CREB5: variants seen among roughly 807,000 people sequenced by gnomAD.
CREB5 encodes cyclic AMP-responsive element-binding protein 5.
Under a neutral mutation model 57.1 loss-of-function variants are expected in CREB5, and 19 were observed. The ratio of observed to expected loss-of-function variants is 0.33; its 90% CI spans 0.23 to 0.49. The LOEUF is 0.49. Among genes scored for constraint, CREB5 ranks in the 20% least tolerant of loss-of-function variants. CREB5 has a pLI of 0.99. For synonymous variants in CREB5, 238 were observed against 238.3 expected (o/e 1.00, Z 0.01); for missense variants, 579 against 671.6 (o/e 0.86, Z 1.52).
At chr7:28,741,624 T>C (rs758357506) in intron 7 of CREB5, among the ~76,000 whole-genome samples, 12 of 152,218 alleles carry the variant, frequency 7.9e-5, no homozygotes, top group Non-Finnish European at 1.6e-4. Flanking sequence ...ATGATCTTCG[T>C]CATGACTGTT....
chr7:28,409,794 G>T (rs1388051888), upstream of CREB5: 3 of 446,778 alleles, frequency 6.7e-6, no homozygotes, highest in Non-Finnish European at 1.3e-5. This position sits in a 1 kb window ranked among gnomAD's most constrained non-coding sequence, Gnocchi z 4.4. Flanking sequence ...TGCTAACGTG[G>T]AGCCGGCGCC....
intron 5 of CREB5, among the ~76,000 whole-genome samples, chr7:28,679,590 C>G (rs1800490453): frequency 6.6e-6 from 1 of 152,180 alleles, no homozygotes; most frequent in Non-Finnish European, 1.5e-5. Context: ...CAAAAATGCT[C>G]TGTTCTTCTC....
chr7:28,314,677 A>C (rs532137642), intron 1 of CREB5, among the ~76,000 whole-genome samples: 1 of 152,128 alleles, frequency 6.6e-6, no homozygotes, highest in South Asian at 2.1e-4. Flanking sequence ...GCGACACACT[A>C]CCCCAAGGGA....
chr7:28,361,670 G>T (rs559653477), intron 1 of CREB5, among the ~76,000 whole-genome samples: 1 of 152,102 alleles, frequency 6.6e-6, no homozygotes, highest in East Asian at 1.9e-4. Context: ...CTTTTTCAGG[G>T]CCTCTTTTCA....
At chr7:28,614,075 T>C (rs1428923641) in intron 5 of CREB5, among the ~76,000 whole-genome samples, 2 of 152,164 alleles carry the variant, frequency 1.3e-5, no homozygotes, top group Non-Finnish European at 2.9e-5. Context: ...TCCTCTCACC[T>C]CAGCCTCCTG....
At chr7:28,453,267 A>T (rs1276574862) in intron 1 of CREB5, among the ~76,000 whole-genome samples, 3 of 152,088 alleles carry the variant, frequency 2.0e-5, no homozygotes, top group Non-Finnish European at 4.4e-5. Flanking sequence ...ATAAGACCCC[A>T]TCTCTACAAA....
intron 7 of CREB5, among the ~76,000 whole-genome samples, chr7:28,754,210 A>C (rs887625420): frequency 6.6e-6 from 1 of 152,168 alleles, no homozygotes; most frequent in African/African-American, 2.4e-5. Context: ...GGCTTTCTGC[A>C]GTGTGGTGCA....
intron 5 of CREB5, among the ~76,000 whole-genome samples, chr7:28,601,640 G>T (rs543577410): frequency 6.6e-6 from 1 of 152,248 alleles, no homozygotes; most frequent in African/African-American, 2.4e-5. Flanking sequence ...TTTATGTATG[G>T]TGTCTTAAAA....
In CREB5 at chr7:28,628,771, C is replaced by A. The variant is rs541990364; in HGVS notation, c.464+58234C>A. 2.0e-5 allele frequency among the ~76,000 whole-genome samples: 3 copies of A among 152,244 alleles called. No homozygotes were observed. The South Asian group carries it at 6.2e-4, about 32-fold the overall frequency. The stretch of plus-strand genomic sequence containing the variant: ...AGGAAAATCCTTATAGACATTTCCT[C>A]TGCTGTGACCAAGTCCCTCTCATTG... On this transcript the variant is annotated intron_variant, in intron 5 of 10. Transcript: ENST00000357727.
intron 9 of CREB5, 74 bp from the exon 10 acceptor site, chr7:28,817,997 G>T (rs1196539651): frequency 1.5e-5 from 16 of 1,097,122 alleles, no homozygotes; most frequent in Non-Finnish European, 1.9e-5. Flanking sequence ...CAGTTTTGTT[G>T]TTGAAAGTGC....
At chr7:28,494,770 G>A (rs964084773) in intron 2 of CREB5, 136 bp from the exon 3 acceptor site, 4 of 609,234 alleles carry the variant, frequency 6.6e-6, no homozygotes, top group African/African-American at 1.9e-5. Flanking sequence ...ACACTTTTTC[G>A]AAATGTTTTT....
chr7:28,678,836 C>T (rs1035335969), intron 5 of CREB5, among the ~76,000 whole-genome samples: 5 of 152,230 alleles, frequency 3.3e-5, no homozygotes, highest in Middle Eastern at 3.4e-3. Flanking sequence ...TGTTGGAGGG[C>T]GAATTCTCCT....
chr7:28,668,605 CA>C (rs1562560547), intron 5 of CREB5, among the ~76,000 whole-genome samples: 1 of 152,072 alleles, frequency 6.6e-6, no homozygotes, highest in African/African-American at 2.4e-5. Flanking sequence ...GAAGTATGTA[CA>C]AAAACCAAAA....
intron 4 of CREB5, among the ~76,000 whole-genome samples, chr7:28,519,650 A>G (rs1222644547): frequency 6.6e-6 from 1 of 152,210 alleles, no homozygotes; most frequent in African/African-American, 2.4e-5. Context: ...ATGGTGGGAG[A>G]GAGGCACTAC....
intron 1 of CREB5, among the ~76,000 whole-genome samples, chr7:28,431,372 C>T (rs182954195): frequency 7.1e-4 from 108 of 152,090 alleles, no homozygotes; most frequent in African/African-American, 2.4e-3. Context: ...CTATTTGAAA[C>T]GAAAGAAATA....
At chr7:28,562,006 A>G (rs1795291764) in intron 4 of CREB5, among the ~76,000 whole-genome samples, 1 of 152,218 alleles carries the variant, frequency 6.6e-6, no homozygotes, top group Non-Finnish European at 1.5e-5. Flanking sequence ...TTGGCCTCCC[A>G]AAGTGCTGGG....
chr7:28,617,833 A>C (rs1051603279), intron 5 of CREB5, among the ~76,000 whole-genome samples: 3 of 152,210 alleles, frequency 2.0e-5, no homozygotes, highest in Non-Finnish European at 4.4e-5. Context: ...TCACCAACAA[A>C]TATTTATTCA....
In CREB5 at chr7:28,825,650, GAAA is replaced by G. The variant is rs1180287981; in HGVS notation, c.*6376_*6378del. On this transcript the variant is annotated 3_prime_UTR_variant, in exon 11 of 11. Transcript: ENST00000357727. ...GCAACCACCTTCCTTATTGGAAGGA[GAAA>G]AAAAGGGGTACATACATGTAAATAC... 6.6e-6 allele frequency: 1 copy of G among 152,236 alleles called. No individual in the cohort carries two copies. The highest frequency in any genetic ancestry group is 1.5e-5 in the Non-Finnish European group (1 of 67,876). The allele number at this position is 152,236 out of a possible 1,614,324, so 9.4% of individuals were successfully genotyped here. A position where few individuals can be genotyped will look rare whatever the true frequency, so the allele number is the denominator to read the frequency against.
chr7:28,793,018 C>A (rs1807817849), intron 7 of CREB5, among the ~76,000 whole-genome samples: 1 of 152,118 alleles, frequency 6.6e-6, no homozygotes, highest in African/African-American at 2.4e-5. Flanking sequence ...GACTTTGGAC[C>A]ACTAATAGCA....
Sources: allele counts gnomAD v4.1 joint callset (sites outside exome capture counted in the v4.1 genomes callset), GRCh38; gene constraint gnomAD v4.1.1; non-coding constraint Gnocchi (gnomAD v3.1); transcripts MANE v1.5; gene names NCBI Gene and HGNC (gene_info 2026-07-23, HGNC 2026-07-21).